The following HTR2C variants were observed in gnomAD, a reference collection of about 807,000 sequenced individuals.
The protein encoded by HTR2C is 5-hydroxytryptamine receptor 2C, also known as 5-hydroxytryptamine (serotonin) receptor 2C, G protein-coupled.
Under a neutral mutation model 21.0 loss-of-function variants are expected in HTR2C, and 5 were observed. The ratio of observed to expected loss-of-function variants is 0.24; its 90% CI spans 0.12 to 0.50. HTR2C has a LOEUF of 0.50. Ranked by LOEUF, HTR2C falls within the 20% of genes least tolerant of loss-of-function variation. The pLI, the probability that HTR2C is intolerant of heterozygous loss-of-function variation, is 0.98. For missense variants in HTR2C, 271 were observed against 371.2 expected (o/e 0.73, Z 2.22); for synonymous variants, 150 against 145.3 (o/e 1.03, Z -0.23).
chrX:114,661,382 T>C (rs1556410138), intron 2 of HTR2C, among the ~76,000 whole-genome samples: 2 of 95,863 alleles, frequency 2.1e-5, no homozygotes, highest in African/African-American at 7.6e-5. Context: ...TGCTAATTAG[T>C]TTGAACACTA....
At chrX:114,667,496 G>A (rs782504006) in intron 2 of HTR2C, among the ~76,000 whole-genome samples, 2 of 111,140 alleles carry the variant, frequency 1.8e-5, no homozygotes, top group East Asian at 2.8e-4. Context: ...CTTACTCTTC[G>A]CTACCAGTGT....
intron 4 of HTR2C, among the ~76,000 whole-genome samples, chrX:114,798,950 A>T (rs1413059892): frequency 9.1e-6 from 1 of 110,350 alleles, no homozygotes; most frequent in Non-Finnish European, 1.9e-5. Flanking sequence ...AACAGCCCAG[A>T]GCGCACACAC....
chrX:114,643,187 T>C (rs1339409439), intron 2 of HTR2C, among the ~76,000 whole-genome samples: 2 of 110,912 alleles, frequency 1.8e-5, no homozygotes, highest in Non-Finnish European at 3.8e-5. Flanking sequence ...TCTTTGCAGA[T>C]TACAGAGCAT....
intron 2 of HTR2C, among the ~76,000 whole-genome samples, chrX:114,725,030 T>C (rs1408789025): frequency 9.1e-6 from 1 of 110,392 alleles, no homozygotes. Context: ...CTTTGTGGCG[T>C]TCTCTGTATT....
intron 2 of HTR2C, among the ~76,000 whole-genome samples, chrX:114,689,302 G>C (rs1278951884): frequency 9.6e-6 from 1 of 104,482 alleles, no homozygotes; most frequent in Non-Finnish European, 1.9e-5. Context: ...ATTGCAAATT[G>C]TGCTGCTATA....
At chrX:114,826,090 T>C (rs1409617463) in intron 4 of HTR2C, among the ~76,000 whole-genome samples, 10 of 110,352 alleles carry the variant, frequency 9.1e-5, no homozygotes, top group African/African-American at 2.6e-4. Context: ...ACTTTTTTTT[T>C]TTTTTTGAGA....
intron 4 of HTR2C, among the ~76,000 whole-genome samples, chrX:114,841,565 C>T (rs1013957454): frequency 9.0e-6 from 1 of 110,735 alleles, no homozygotes; most frequent in African/African-American, 3.3e-5. Context: ...CAAGGTGAAA[C>T]CCTGTCTCTA....
intron 2 of HTR2C, among the ~76,000 whole-genome samples, chrX:114,624,365 A>G (rs187672884): frequency 2.7e-4 from 30 of 111,683 alleles, no homozygotes; most frequent in African/African-American, 9.1e-4. Context: ...CTAAAATTGG[A>G]TATGTACTTA....
At position 114,638,516 on chromosome X, in the gene HTR2C, T is replaced by A. The variant is rs1450118597; in HGVS notation, c.-80+24635T>A. On this transcript the variant is annotated intron_variant, in intron 2 of 5. Coordinates refer to ENST00000276198, the MANE Select transcript of HTR2C (RefSeq NM_000868.4). Reference sequence around the variant, plus strand: ...TGTAATACGTTTATTTATTTATTTATTTATTATTTTTTTCTTTTATTATTA... The same window carrying A: ...TGTAATACGTTTATTTATTTATTTAATTATTATTTTTTTCTTTTATTATTA... 4.6e-5 allele frequency among the ~76,000 whole-genome samples: 5 copies of A among 109,188 alleles called. No individual in the cohort carries two copies. In the East Asian group the frequency reaches 1.4e-3, roughly 31 times the overall value. 94.8% of individuals were successfully genotyped at this position (109,188 alleles called of 115,157 possible). A position where few individuals can be genotyped will look rare whatever the true frequency, so the allele number is the denominator to read the frequency against.
At chrX:114,696,784 T>G (rs1932290352) in intron 2 of HTR2C, among the ~76,000 whole-genome samples, 1 of 7,411 alleles carries the variant, frequency 1.3e-4, no homozygotes, top group Non-Finnish European at 3.1e-4. Context: ...CTTTCTTCTA[T>G]TTTTTTTCTA....
intron 4 of HTR2C, among the ~76,000 whole-genome samples, chrX:114,790,952 C>A (rs1338110710): frequency 2.7e-5 from 3 of 110,631 alleles, no homozygotes; most frequent in Admixed American, 9.6e-5. Context: ...GAGCTGAAAT[C>A]ACATCACTGC....
intron 2 of HTR2C, among the ~76,000 whole-genome samples, chrX:114,655,523 C>A (rs1007215361): frequency 9.0e-5 from 10 of 111,653 alleles, no homozygotes; most frequent in Admixed American, 2.9e-4. Flanking sequence ...TTTTGTTGTT[C>A]CTCAAGTTCT....
chrX:114,721,900 A>G (rs1285715355), intron 2 of HTR2C, among the ~76,000 whole-genome samples: 2 of 106,368 alleles, frequency 1.9e-5, no homozygotes, highest in East Asian at 6.0e-4. Context: ...TACCAGTACC[A>G]TGCTGTTTTG....
chrX:114,611,955 C>T (rs1362011605), intron 1 of HTR2C, among the ~76,000 whole-genome samples: 1 of 111,826 alleles, frequency 8.9e-6, no homozygotes, highest in African/African-American at 3.3e-5. Flanking sequence ...CCTTGGCCTC[C>T]CAAAGTGCTG....
In HTR2C at chrX:114,648,787, G is replaced by C. The variant is rs782540969; in HGVS notation, c.-80+34906G>C. Reference sequence around the variant, plus strand: ...TGTCATCATCATTATTGCTTAGTCTGTGTTAGGCTCTAGTACTTTAAATAG... The same window carrying C: ...TGTCATCATCATTATTGCTTAGTCTCTGTTAGGCTCTAGTACTTTAAATAG... On this transcript the variant is annotated intron_variant, in intron 2 of 5. Coordinates refer to ENST00000276198, the MANE Select transcript of HTR2C (RefSeq NM_000868.4). Among the ~76,000 whole-genome samples, 15 of 111,834 alleles carry C rather than the reference G, an allele frequency of 1.3e-4. No homozygotes were observed. In the South Asian group the frequency reaches 5.6e-3, roughly 42 times the overall value.
chrX:114,711,310 T>C (rs782690383), intron 2 of HTR2C, among the ~76,000 whole-genome samples: 69 of 111,975 alleles, frequency 6.2e-4, no homozygotes, highest in African/African-American at 2.2e-3. Flanking sequence ...TAGTAATGAA[T>C]ATATAATCAC....
chrX:114,803,885 C>A (rs1047071909), intron 4 of HTR2C, among the ~76,000 whole-genome samples: 4 of 111,882 alleles, frequency 3.6e-5, no homozygotes, highest in African/African-American at 1.3e-4. Flanking sequence ...TATTTTCACT[C>A]TTCCTTTAAG....
intron 4 of HTR2C, among the ~76,000 whole-genome samples, chrX:114,739,668 A>T (rs1360849399): frequency 8.9e-6 from 1 of 112,080 alleles, no homozygotes; most frequent in African/African-American, 3.2e-5. Flanking sequence ...CTTCAAAAAC[A>T]AACTCATAGA....
At chrX:114,713,530 C>T (rs988346077) in intron 2 of HTR2C, among the ~76,000 whole-genome samples, 1 of 110,997 alleles carries the variant, frequency 9.0e-6, no homozygotes, top group East Asian at 2.8e-4. Context: ...CCATGGCACT[C>T]AAGTGAGTGG....
Sources: gnomAD v4.1 joint callset for allele counts (sites outside exome capture counted in the v4.1 genomes callset) on GRCh38, gnomAD v4.1.1 for gene constraint, MANE v1.5 for transcripts, NCBI Gene and HGNC (gene_info 2026-07-23, HGNC 2026-07-21) for gene names.